Variants in ST6GALNAC6 observed in about 807,000 individuals in gnomAD.
ST6GALNAC6 encodes the protein ST6 N-acetylgalactosaminide alpha-2,6-sialyltransferase 6.
Under a neutral mutation model 34.3 loss-of-function variants are expected in ST6GALNAC6, and 19 were observed. The ratio of observed to expected loss-of-function variants is 0.55; its 90% CI spans 0.39 to 0.81. The LOEUF (loss-of-function observed/expected upper bound fraction) is 0.81, where lower values mean the gene tolerates loss of function less well. Among genes scored for constraint, ST6GALNAC6 ranks in the 40% least tolerant of loss-of-function variants. ST6GALNAC6 has a pLI of 0.00. For missense variants in ST6GALNAC6, 377 were observed against 467.7 expected (o/e 0.81, Z 1.79); for synonymous variants, 185 against 182.1 (o/e 1.02, Z -0.13).
At chr9:127,891,736 G>T (rs966235027) in intron 4 of ST6GALNAC6, among the ~76,000 whole-genome samples, 1 of 138,534 alleles carries the variant, frequency 7.2e-6, no homozygotes, top group Non-Finnish European at 1.6e-5. Flanking sequence ...AAGGGGAGGG[G>T]GAGGGGGAGG....
upstream of ST6GALNAC6, among the ~76,000 whole-genome samples, chr9:127,906,400 C>CT (rs1186327409): frequency 6.6e-6 from 1 of 152,210 alleles, no homozygotes; most frequent in African/African-American, 2.4e-5. Context: ...GCCCAGTCCT[C>CT]TGAGTCTTCC....
chr9:127,901,313 G>A (rs961991652), upstream of ST6GALNAC6, among the ~76,000 whole-genome samples: 24 of 152,292 alleles, frequency 1.6e-4, no homozygotes, highest in African/African-American at 5.1e-4. Flanking sequence ...AATAGGGGCC[G>A]GGCGCGGTGG....
intron 5 of ST6GALNAC6, among the ~76,000 whole-genome samples, chr9:127,888,325 G>A (rs1829910000): frequency 1.3e-5 from 2 of 151,836 alleles, no homozygotes; most frequent in South Asian, 2.1e-4. Flanking sequence ...CCAACGTGGC[G>A]AAACCCTGTC....
At chr9:127,902,785 A>T, upstream of ST6GALNAC6, among the ~76,000 whole-genome samples, 1 of 148,314 alleles carries the variant, frequency 6.7e-6, no homozygotes, top group Admixed American at 6.8e-5. Flanking sequence ...ACGAGGTTTC[A>T]CCATGTTGGT....
At chr9:127,893,162 GA>G (rs1830250113) in intron 4 of ST6GALNAC6, among the ~76,000 whole-genome samples, 1 of 152,094 alleles carries the variant, frequency 6.6e-6, no homozygotes, top group Non-Finnish European at 1.5e-5. Context: ...CAAGGCAGGA[GA>G]AACAGCCAGC....
chr9:127,889,166 C>A (rs761352384), intron 5 of ST6GALNAC6, among the ~76,000 whole-genome samples: 1 of 151,956 alleles, frequency 6.6e-6, no homozygotes, highest in Non-Finnish European at 1.5e-5. Context: ...CTGGCCAACA[C>A]GGTGAAACCC....
At chr9:127,905,512 C>G (rs961418456), upstream of ST6GALNAC6, 6 of 879,058 alleles carry the variant, frequency 6.8e-6, no homozygotes, top group Non-Finnish European at 8.2e-6. Context: ...AGGAGGCAGC[C>G]TCCCAGGAGA....
In ST6GALNAC6 at chr9:127,890,786, G is replaced by C. The variant is rs549137165; in HGVS notation, c.555C>G (p.Pro185=). 1 of 1,612,478 alleles carries C rather than the reference G, an allele frequency of 6.2e-7. No individual in the cohort carries two copies. Among genetic ancestry groups the C allele is most frequent in the South Asian group, 1.1e-5 (1 of 91,062 alleles). ...CCTGGGGCTTCTGCATCTTGCTCGGGGGCCCCCAGAAGATGAACACGGTTT... is the reference window on the plus strand; with the variant it reads ...CCTGGGGCTTCTGCATCTTGCTCGGCGGCCCCCAGAAGATGAACACGGTTT... The part of the protein sequence containing the change: ...TPETVFIFWG[P]PSKMQKPQGS... Residue 185 remains proline, a synonymous_variant, in exon 5 of 7, where the codon CCC becomes CCG. Transcript: ENST00000373146. This position sits in a 1 kb window ranked among gnomAD's most constrained non-coding sequence, Gnocchi z 4.3.
At position 127,890,729 on chromosome 9, in the gene ST6GALNAC6, G is replaced by A. The variant is rs2131499843; in HGVS notation, c.612C>T (p.Gly204=). ...ATGCTTCCATGTTGGGGAACACCAG[G>A]CCCGCTCGCTGGATCACACGCACGA... ...GSLVRVIQRA[G]LVFPNMEAYA... is the part of the protein sequence containing the mutation. The change falls in exon 5 of 7, where the codon GGC becomes GGT. Residue 204 remains glycine (G), a synonymous_variant. Transcript: ENST00000373146. This position sits in a 1 kb window ranked among gnomAD's most constrained non-coding sequence, Gnocchi z 4.3. 2.5e-6 allele frequency: 4 copies of A among 1,613,776 alleles called. No individual in the cohort carries two copies. The highest frequency in any genetic ancestry group is 3.4e-6 in the Non-Finnish European group (4 of 1,179,912).
In ST6GALNAC6 at chr9:127,896,300, G is replaced by A; in HGVS notation, c.59C>T (p.Pro20Leu). 1.2e-6 allele frequency: 2 copies of A among 1,613,890 alleles called. No individual in the cohort carries two copies. Among genetic ancestry groups the A allele is most frequent in the Non-Finnish European group, 1.7e-6 (2 of 1,179,866 alleles). ...GAGGGGTAGGTGTCGGCGTCCTGCA[G>A]GTGGCCCTGGGGGCAGGGATGTGGG... is the stretch of plus-strand genomic sequence containing the variant. ...CEPTSLPPGP[P>L]AGRRHLPLSR... Residue 20 changes from proline to leucine, a missense_variant, in exon 3 of 7, where the codon CCT becomes CTT. Coordinates refer to ENST00000373146, the MANE Select transcript of ST6GALNAC6 (RefSeq NM_013443.5).
rs752243192 is a variant in ST6GALNAC6 at position 127,890,990 on chromosome 9, C to T, written c.351G>A (p.Leu117=). 2 of 1,614,162 alleles carry T rather than the reference C, an allele frequency of 1.2e-6. No individual in the cohort carries two copies. Among genetic ancestry groups the T allele is most frequent in the South Asian group, 2.2e-5 (2 of 91,076 alleles). ...QCVIVSSSSH[L]LGTKLGPEIE... is the part of the protein sequence containing the mutation. ...TCTCAGGGCCCAGCTTGGTGCCCAG[C>T]AGGTGGCTGGAGCTGCTGACAATCA... is the stretch of plus-strand genomic sequence containing the variant. The change falls in exon 5 of 7, where the codon CTG becomes CTA. Residue 117 remains leucine, a synonymous_variant. Transcript: ENST00000373146. This position sits in a 1 kb window ranked among gnomAD's most constrained non-coding sequence, Gnocchi z 4.3.
chr9:127,901,016 A>C (rs930402230), upstream of ST6GALNAC6, among the ~76,000 whole-genome samples: 1 of 149,772 alleles, frequency 6.7e-6, no homozygotes, highest in African/African-American at 2.5e-5. Context: ...AAAAAAAAAA[A>C]AAAACTGTCT....
chr9:127,902,593 A>G (rs200687235), upstream of ST6GALNAC6, among the ~76,000 whole-genome samples: 1 of 58,760 alleles, frequency 1.7e-5, no homozygotes, highest in Non-Finnish European at 4.9e-5. Flanking sequence ...TATTATTATT[A>G]TTATTATTAT....
intron 4 of ST6GALNAC6, among the ~76,000 whole-genome samples, chr9:127,891,946 G>A (rs1237026467): frequency 6.6e-6 from 1 of 152,092 alleles, no homozygotes; most frequent in African/African-American, 2.4e-5. Context: ...GAGCTCAGGA[G>A]TTCGAGACCA....
chr9:127,898,700 CG>C (rs1295331713), intron 1 of ST6GALNAC6, among the ~76,000 whole-genome samples: 1 of 152,362 alleles, frequency 6.6e-6, no homozygotes, highest in East Asian at 1.9e-4. Context: ...AAGCGCCTTG[CG>C]GGGCCGCCCA....
intron 4 of ST6GALNAC6, among the ~76,000 whole-genome samples, chr9:127,892,882 C>T (rs1830231652): frequency 6.6e-6 from 1 of 152,094 alleles, no homozygotes; most frequent in African/African-American, 2.4e-5. Context: ...ATGATTTCAT[C>T]CCCAACCATT....
At chr9:127,895,792 C>T (rs1178636465) in intron 3 of ST6GALNAC6, among the ~76,000 whole-genome samples, 4 of 152,150 alleles carry the variant, frequency 2.6e-5, no homozygotes, top group Non-Finnish European at 5.9e-5. Flanking sequence ...CATGCAGGGC[C>T]AGTCATGTAG....
At chr9:127,888,544 C>G (rs1268860106) in intron 5 of ST6GALNAC6, among the ~76,000 whole-genome samples, 3 of 151,074 alleles carry the variant, frequency 2.0e-5, no homozygotes, top group African/African-American at 7.3e-5. Context: ...CGCAGTGGCT[C>G]ATGCCTGTAA....
chr9:127,898,687 G>T (rs557377497), intron 1 of ST6GALNAC6, among the ~76,000 whole-genome samples: 38 of 152,388 alleles, frequency 2.5e-4, no homozygotes, highest in Non-Finnish European at 4.9e-4. Flanking sequence ...GTTCAGAGAG[G>T]CAAAGCGCCT....
Sources: gnomAD v4.1 joint callset for allele counts (sites outside exome capture counted in the v4.1 genomes callset) on GRCh38, gnomAD v4.1.1 for gene constraint, Gnocchi (gnomAD v3.1) non-coding constraint, MANE v1.5 for transcripts, NCBI Gene and HGNC (gene_info 2026-07-23, HGNC 2026-07-21) for gene names.